The following RINL variants were observed in gnomAD, a reference collection of about 807,000 sequenced individuals.
RINL encodes the protein Ras and Rab interactor like, also known as ras and Rab interactor-like protein.
A neutral mutation model predicts 58.1 loss-of-function variants in RINL; 39 were observed. The ratio of observed to expected loss-of-function variants is 0.67; its 90% confidence interval spans 0.52 to 0.88. The LOEUF is 0.88. Among genes scored for constraint, RINL ranks in the 40% least tolerant of loss-of-function variants. RINL has a pLI of 0.00. For synonymous variants in RINL, 286 were observed against 323.1 expected, an observed-to-expected ratio of 0.89 and a Z score of 1.23; for missense variants, 711 against 749.2, an observed-to-expected ratio of 0.95 and a Z score of 0.60.
rs150804631 is a variant in RINL at position 38,877,435 on chromosome 19, A to G, written c.-39-654T>C. ...CCTGGAAAAGTTCTTGGCCCAGAGT[A>G]GGCAGTCCCTATATCTGGAAAGGTA... is the stretch of plus-strand genomic sequence containing the variant. On this transcript the variant is annotated intron_variant, in intron 1 of 11. Transcript: ENST00000591812. Among the ~76,000 whole-genome samples, 6 of 152,332 alleles carry G rather than the reference A, an allele frequency of 3.9e-5. No homozygotes were observed. The East Asian group carries it at 1.2e-3, about 29-fold the overall frequency.
Position 38,868,345 on chromosome 19 carries a change from G to A in RINL, c.*759C>T, listed in dbSNP as rs994297524. 6 of 151,848 alleles carry A rather than the reference G, an allele frequency of 4.0e-5. No homozygotes were observed. The highest frequency in any genetic ancestry group is 2.6e-4 in the Admixed American group (4 of 15,210). 9.4% of individuals were successfully genotyped at this position (151,848 alleles called of 1,614,324 possible). ...ATGTGATACATTCTTTGGGAAAAAC[G>A]ATCACAATTGGGCACGGTGGCTCAC... On this transcript the variant is annotated 3_prime_UTR_variant, in exon 12 of 12. Transcript: ENST00000591812.
rs184359872 is a variant in RINL, at chr19:38,878,214, G to A, written c.-40+18C>T. 2.1e-3 allele frequency: 313 copies of A among 152,454 alleles called. No homozygotes were observed. Among genetic ancestry groups the A allele is most frequent in the Non-Finnish European group, 2.8e-3 (188 of 68,180 alleles). The allele number at this position is 152,454 out of a possible 1,614,324, so 9.4% of individuals were successfully genotyped here. On this transcript the variant is annotated intron_variant, in intron 1 of 11. Transcript: ENST00000591812. ...CAGGGGCTGAAGATGCCAGATGCTC[G>A]GTTCCTGGGGGCCCTACCTGTTCTC... is the stretch of plus-strand genomic sequence containing the variant.
chr19:38,875,973 C>T (rs1247592337), intron 3 of RINL, among the ~76,000 whole-genome samples: 7 of 152,128 alleles, frequency 4.6e-5, no homozygotes, highest in African/African-American at 9.7e-5. Flanking sequence ...CAAAATTCCC[C>T]GCAGTTGAAA....
intron 3 of RINL, among the ~76,000 whole-genome samples, chr19:38,875,126 C>G (rs1487496157): frequency 1.3e-5 from 2 of 151,096 alleles, no homozygotes; most frequent in Non-Finnish European, 2.9e-5. Context: ...CAGAGGGAGA[C>G]TCCATCTCAA....
At position 38,874,933 on chromosome 19, in the gene RINL, G is replaced by A. The variant is rs1286244331; in HGVS notation, c.211-945C>T. On this transcript the variant is annotated intron_variant, in intron 3 of 11. Coordinates refer to ENST00000591812, the MANE Select transcript of RINL (RefSeq NM_001195833.2). Reference sequence around the variant, plus strand: ...GTGGATCACCTGAGGGCAGGAGTTCGAGACCACCCTGGCCAACGTGGTGAA... The same window carrying A: ...GTGGATCACCTGAGGGCAGGAGTTCAAGACCACCCTGGCCAACGTGGTGAA... 2.0e-5 allele frequency among the ~76,000 whole-genome samples: 3 copies of A among 152,070 alleles called. No individual in the cohort carries two copies. In the South Asian group the frequency reaches 6.2e-4, roughly 32 times the overall value.
chr19:38,877,546 CAT>C (rs992088676), intron 1 of RINL, among the ~76,000 whole-genome samples: 1 of 152,198 alleles, frequency 6.6e-6, no homozygotes, highest in Non-Finnish European at 1.5e-5. Context: ...AAATTTCAGA[CAT>C]AGAGAAAAGC....
chr19:38,870,115 C>G lies in RINL; in HGVS notation c.1170G>C (p.Pro390=), dbSNP rs1340496514. 2.8e-6 allele frequency: 4 copies of G among 1,429,976 alleles called. No homozygotes were observed. The South Asian group carries it at 5.9e-5, about 21-fold the overall frequency. 88.6% of individuals were successfully genotyped at this position (1,429,976 alleles called of 1,614,324 possible). Residue 390 remains proline, a synonymous_variant, in exon 9 of 12, where the codon CCG becomes CCC. Transcript: ENST00000591812. This position sits in a 1 kb window ranked among gnomAD's most constrained non-coding sequence, Gnocchi z 5.8. ...QTALRAGAGP[P]GAQGPGPEGQ... ...CTTCCGGTCCCGGCCCCTGTGCCCC[C>G]GGAGGCCCCGCCCCCGCCCGCAGGG...
At position 38,870,693 on chromosome 19, in the gene RINL, C is replaced by G. The variant is rs774666021; in HGVS notation, c.901G>C (p.Glu301Gln). 1 of 1,613,660 alleles carries G rather than the reference C, an allele frequency of 6.2e-7. No homozygotes were observed. Among genetic ancestry groups the G allele is most frequent in the South Asian group, 1.1e-5 (1 of 91,074 alleles). ...GPHGSGDPAT[E>Q]LLQDVRHLLT... ...AGGTGCCGCACATCCTGAAGCAGCT[C>G]CGTGGCCGGGTCCCCAGACCCGTGG... The change falls in exon 8 of 12, where the codon GAG becomes CAG. Residue 301 changes from glutamate (E) to glutamine (Q), a missense_variant. By Grantham distance (29) the Glu-to-Gln change is conservative. Transcript: ENST00000591812. The surrounding 1 kb of genome is among the most constrained non-coding windows in gnomAD (Gnocchi z 5.8).
At position 38,874,989 on chromosome 19, in the gene RINL, G is replaced by C. The variant is rs569167121; in HGVS notation, c.211-1001C>G. Among the ~76,000 whole-genome samples the C allele has an allele frequency of 4.6e-5, 7 of 152,038 alleles. No individual in the cohort carries two copies. In the East Asian group the frequency reaches 9.8e-4, roughly 21 times the overall value. ...GTCTCTACTAAAAATACAAAAATTA[G>C]CCGGGTGTAATGGCGGGCGCCTGTA... On this transcript the variant is annotated intron_variant, in intron 3 of 11. Transcript: ENST00000591812.
chr19:38,875,738 T>C (rs2144651519), intron 3 of RINL, among the ~76,000 whole-genome samples: 1 of 151,520 alleles, frequency 6.6e-6, no homozygotes, highest in East Asian at 1.9e-4. Flanking sequence ...ATGCAAGTGG[T>C]GCCTCTGTTC....
intron 6 of RINL, 41 bp downstream of exon 6, chr19:38,871,606 T>G (rs1170842873): frequency 2.5e-6 from 4 of 1,576,974 alleles, no homozygotes; most frequent in African/African-American, 1.4e-5. Context: ...GCAAGGAAAT[T>G]GGCAGGTTGG....
In RINL at chr19:38,868,581, C is replaced by G. The variant is rs1348928874; in HGVS notation, c.*523G>C. The stretch of plus-strand genomic sequence containing the variant: ...CCAGGAGGTTAAGGCTGCAGTGAGC[C>G]GAGATCATGCCACTACACTCCAGCC... On this transcript the variant is annotated 3_prime_UTR_variant, in exon 12 of 12. Coordinates refer to ENST00000591812, the MANE Select transcript of RINL (RefSeq NM_001195833.2). 3 of 152,218 alleles carry G rather than the reference C, an allele frequency of 2.0e-5. No individual in the cohort carries two copies. Among genetic ancestry groups the G allele is most frequent in the Admixed American group, 2.0e-4 (3 of 15,264 alleles). The allele number at this position is 152,218 out of a possible 1,614,324, so 9.4% of individuals were successfully genotyped here. A position where few individuals can be genotyped will look rare whatever the true frequency, so the allele number is the denominator to read the frequency against.
chr19:38,871,016 T>G (rs1364840913), intron 7 of RINL, 24 bp from the exon 8 acceptor site: 1 of 1,583,530 alleles, frequency 6.3e-7, no homozygotes, highest in East Asian at 2.2e-5. Context: ...GGGCATTCGG[T>G]CGCCTAGAAC....
Position 38,869,283 on chromosome 19 carries a change from C to T in RINL, c.1602G>A (p.Arg534=), listed in dbSNP as rs1380586470. ...GATGATCCTTTCTGTGCAGCGTCCG[C>T]CTGCGGTGCCACTGGTGCAGGGAGG... The part of the protein sequence containing the change: ...ARASLHQWHR[R]RTLHRKDHPR... Residue 534 remains arginine (R), a synonymous_variant, in exon 11 of 12, where the codon AGG becomes AGA. Transcript: ENST00000591812. The surrounding 1 kb of genome is among the most constrained non-coding windows in gnomAD (Gnocchi z 5.7). 1.9e-6 allele frequency: 3 copies of T among 1,614,004 alleles called. No homozygotes were observed. The highest frequency in any genetic ancestry group is 2.2e-5 in the East Asian group (1 of 44,892).
chr19:38,876,930 T>C, intron 1 of RINL, 149 bp from the exon 2 acceptor site: 2 of 597,758 alleles, frequency 3.3e-6, no homozygotes, highest in Non-Finnish European at 6.0e-6. Flanking sequence ...TATTTTATTT[T>C]TGAGACGGAG....
At chr19:38,874,474 A>G (rs1972877928) in intron 3 of RINL, among the ~76,000 whole-genome samples, 1 of 152,188 alleles carries the variant, frequency 6.6e-6, no homozygotes, top group African/African-American at 2.4e-5. Context: ...GAGTTTCACC[A>G]CATTGGCCAG....
rs1568386749 is a variant in RINL, at chr19:38,871,126, G to C, written c.553C>G (p.Gln185Glu). The change falls in exon 7 of 12, where the codon CAG (glutamine) becomes GAG (glutamate). Residue 185 changes from glutamine to glutamate, a missense_variant. Physicochemically the swap from Gln to Glu is conservative, Grantham distance 29. Transcript: ENST00000591812. Reference protein sequence around the residue: ...LETHRGWGREQTPQETEPEAA... With the variant: ...LETHRGWGREETPQETEPEAA... ...TCTGGCTCTGTTTCTTGAGGGGTCT[G>C]CTCCCTCCCCCAGCCTCTGTGGGTC... The C allele has an allele frequency of 1.2e-6, 2 of 1,612,978 alleles. No homozygotes were observed. Among genetic ancestry groups the C allele is most frequent in the Non-Finnish European group, 1.7e-6 (2 of 1,179,520 alleles).
At chr19:38,876,191 C>A (rs1182301779) in intron 3 of RINL, 140 bp downstream of exon 3, 4 of 775,162 alleles carry the variant, frequency 5.2e-6, no homozygotes, top group Non-Finnish European at 8.1e-6. Context: ...TCATGAGTAG[C>A]TAGGACTGCA....
At position 38,870,093 on chromosome 19, in the gene RINL, C is replaced by G. The variant is rs768380664; in HGVS notation, c.1192G>C (p.Glu398Gln). ...AAGGCGGGGGCGGGGCTCTGCCCTT[C>G]CGGTCCCGGCCCCTGTGCCCCCGGA... ...GPPGAQGPGP[E>Q]GQSPAPALRS... is the part of the protein sequence containing the mutation. The change falls in exon 9 of 12, where the codon GAA (glutamate) becomes CAA (glutamine). Residue 398 changes from glutamate (E) to glutamine (Q), a missense_variant. By Grantham distance (29) the Glu-to-Gln change is conservative. Coordinates refer to ENST00000591812, the MANE Select transcript of RINL (RefSeq NM_001195833.2). This position sits in a 1 kb window ranked among gnomAD's most constrained non-coding sequence, Gnocchi z 5.8. The G allele has an allele frequency of 6.1e-6, 9 of 1,469,194 alleles. No homozygotes were observed. The highest frequency in any genetic ancestry group is 2.9e-5 in the African/African-American group (2 of 67,952). 91.0% of individuals were successfully genotyped at this position (1,469,194 alleles called of 1,614,324 possible).
Sources: allele counts gnomAD v4.1 joint callset (sites outside exome capture counted in the v4.1 genomes callset), GRCh38; gene constraint gnomAD v4.1.1; non-coding constraint Gnocchi (gnomAD v3.1); transcripts MANE v1.5; gene names NCBI Gene and HGNC (gene_info 2026-07-23, HGNC 2026-07-21).